Variants in INPP5A observed in about 807,000 individuals in gnomAD.
The protein encoded by INPP5A is 43 kDa inositol polyphosphate 5-phophatase.
In INPP5A, 14 loss-of-function variants were observed where a neutral mutation model predicts 65.2. That is an observed-to-expected ratio of 0.21 (90% CI 0.14 to 0.34). INPP5A has a LOEUF of 0.34. Among genes scored for constraint, INPP5A ranks in the 10% least tolerant of loss-of-function variants. The pLI is 1.00. For synonymous variants in INPP5A, 207 were observed against 208.3 expected (o/e 0.99, Z 0.05); for missense variants, 431 against 545.6 (o/e 0.79, Z 2.09).
intron 1 of INPP5A, among the ~76,000 whole-genome samples, chr10:132,544,486 T>A (rs1473942904): frequency 1.3e-5 from 2 of 151,830 alleles, no homozygotes; most frequent in Non-Finnish European, 2.9e-5. Flanking sequence ...CGGTGCACTT[T>A]CCCTGGGAGA....
intron 1 of INPP5A, among the ~76,000 whole-genome samples, chr10:132,597,006 C>A (rs567943697): frequency 6.3e-5 from 9 of 143,420 alleles, no homozygotes; most frequent in Admixed American, 6.2e-4. Flanking sequence ...TTTGTGTGCA[C>A]GCTCCTGTAC....
At chr10:132,568,907 C>T (rs966879800) in intron 1 of INPP5A, among the ~76,000 whole-genome samples, 5 of 149,480 alleles carry the variant, frequency 3.3e-5, no homozygotes, top group African/African-American at 4.9e-5. Context: ...ATGTTCTTAC[C>T]GGCATTTTTT....
intron 2 of INPP5A, among the ~76,000 whole-genome samples, chr10:132,611,669 T>C (rs1224828285): frequency 1.3e-4 from 12 of 95,178 alleles, no homozygotes; most frequent in South Asian, 4.1e-4. Context: ...GGAGAGGCCC[T>C]GTCAGGGGAG....
rs550244504 is a variant in INPP5A at position 132,773,874 on chromosome 10, C to G, written c.978-3797C>G. ...CTTCTGGGCTCAAGCGATTTTCCCC[C>G]CTCAGCCTCCCAAGTAGCTGGGACT... On this transcript the variant is annotated intron_variant, in intron 12 of 15. Coordinates refer to ENST00000368594, the MANE Select transcript of INPP5A (RefSeq NM_005539.5). Among the ~76,000 whole-genome samples, 7 of 152,342 alleles carry G rather than the reference C, an allele frequency of 4.6e-5. No homozygotes were observed. In the East Asian group the frequency reaches 1.2e-3, roughly 25 times the overall value.
intron 11 of INPP5A, among the ~76,000 whole-genome samples, chr10:132,763,767 T>G (rs1366146643): frequency 7.1e-6 from 1 of 140,548 alleles, no homozygotes; most frequent in African/African-American, 2.8e-5. Context: ...ACACATGCCG[T>G]TGCACACATA....
At chr10:132,721,773 C>T (rs1397170733) in intron 8 of INPP5A, among the ~76,000 whole-genome samples, 1 of 151,854 alleles carries the variant, frequency 6.6e-6, no homozygotes, top group Non-Finnish European at 1.5e-5. Flanking sequence ...GTCTGGGCAC[C>T]TGAGACGGCT....
At chr10:132,689,309 C>G (rs1211149355) in intron 4 of INPP5A, among the ~76,000 whole-genome samples, 2 of 152,188 alleles carry the variant, frequency 1.3e-5, no homozygotes, top group Non-Finnish European at 2.9e-5. Context: ...TGCAGGCAGC[C>G]CCTGCCCTCC....
chr10:132,541,368 C>T (rs764477948), intron 1 of INPP5A, among the ~76,000 whole-genome samples: 1 of 152,148 alleles, frequency 6.6e-6, no homozygotes, highest in Non-Finnish European at 1.5e-5. Context: ...ACTCAGCAGC[C>T]CCTGTTTGCT....
intron 1 of INPP5A, among the ~76,000 whole-genome samples, chr10:132,589,401 G>A (rs2071589059): frequency 6.6e-6 from 1 of 152,250 alleles, no homozygotes; most frequent in African/African-American, 2.4e-5. Context: ...GGGTCAGAAT[G>A]TGGGCACCTG....
At chr10:132,621,182 A>G (rs1344302591) in intron 2 of INPP5A, among the ~76,000 whole-genome samples, 1 of 152,232 alleles carries the variant, frequency 6.6e-6, no homozygotes, top group Admixed American at 6.5e-5. Flanking sequence ...AAACTGTGAT[A>G]GAGGAAGTGC....
chr10:132,652,875 G>A (rs1474697623), intron 4 of INPP5A, among the ~76,000 whole-genome samples: 1 of 152,204 alleles, frequency 6.6e-6, no homozygotes, highest in African/African-American at 2.4e-5. Context: ...CATAGCGGTC[G>A]TGAACGTGCG....
chr10:132,649,027 G>C (rs191450036), intron 3 of INPP5A, among the ~76,000 whole-genome samples: 2 of 152,022 alleles, frequency 1.3e-5, no homozygotes, highest in African/African-American at 4.8e-5. Context: ...AGATTGCCTG[G>C]TTCTGCCCCA....
At chr10:132,736,354 A>G (rs1406579494) in intron 9 of INPP5A, among the ~76,000 whole-genome samples, 1 of 152,260 alleles carries the variant, frequency 6.6e-6, no homozygotes, top group East Asian at 1.9e-4. Context: ...CACGTCTGAC[A>G]GTGACGGTGA....
intron 12 of INPP5A, among the ~76,000 whole-genome samples, chr10:132,766,787 G>A (rs147696511): frequency 1.2e-4 from 18 of 152,354 alleles, no homozygotes; most frequent in Middle Eastern, 3.4e-3. Context: ...GTTGGAAGCC[G>A]CAGGGGACTT....
intron 9 of INPP5A, among the ~76,000 whole-genome samples, chr10:132,735,812 G>T (rs546473473): frequency 6.6e-6 from 1 of 152,244 alleles, no homozygotes. Flanking sequence ...GAGTTCAGGG[G>T]CAGGGTGTCT....
At chr10:132,563,957 G>T (rs1322233981) in intron 1 of INPP5A, among the ~76,000 whole-genome samples, 1 of 152,256 alleles carries the variant, frequency 6.6e-6, no homozygotes, top group East Asian at 1.9e-4. Context: ...GAGCAAAGTC[G>T]TCCTGGTTCA....
intron 4 of INPP5A, among the ~76,000 whole-genome samples, chr10:132,656,617 C>A (rs1364573455): frequency 6.6e-6 from 1 of 152,164 alleles, no homozygotes; most frequent in Non-Finnish European, 1.5e-5. Flanking sequence ...TCGCCTCTTG[C>A]CTGAGCCCCT....
At chr10:132,562,060 C>T (rs1284083707) in intron 1 of INPP5A, among the ~76,000 whole-genome samples, 1 of 152,262 alleles carries the variant, frequency 6.6e-6, no homozygotes, top group Non-Finnish European at 1.5e-5. Flanking sequence ...CACAAAACAT[C>T]AGGTGGTGCC....
chr10:132,688,612 TGTGA>T (rs767588894), intron 4 of INPP5A, among the ~76,000 whole-genome samples: 19 of 151,440 alleles, frequency 1.3e-4, no homozygotes, highest in African/African-American at 2.7e-4. Context: ...TGTGCAAGTG[TGTGA>T]GTGTGAGCAA....
Sources: allele counts gnomAD v4.1 joint callset (sites outside exome capture counted in the v4.1 genomes callset), GRCh38; gene constraint gnomAD v4.1.1; transcripts MANE v1.5; gene names NCBI Gene and HGNC (gene_info 2026-07-23, HGNC 2026-07-21).